The following URAD variants were observed in gnomAD, a reference collection of about 807,000 sequenced individuals.
URAD encodes putative 2-oxo-4-hydroxy-4-carboxy-5-ureidoimidazoline decarboxylase.
In URAD, 4 loss-of-function variants were observed where a neutral mutation model predicts 4.6. The ratio of observed to expected loss-of-function variants is 0.87; its 90% CI spans 0.43 to 1.98. The LOEUF (loss-of-function observed/expected upper bound fraction) is 1.98. Ranked by LOEUF, URAD falls within the 30% of genes most tolerant of loss-of-function variation. The probability of loss-of-function intolerance (pLI) is 0.03; values close to 1 mark genes in which losing one functional copy is unlikely to be tolerated. For synonymous variants in URAD, 144 were observed against 118.2 expected, an observed-to-expected ratio of 1.22 and a Z score of -1.41; for missense variants, 300 against 255.3, an observed-to-expected ratio of 1.18 and a Z score of -1.19.
intron 1 of URAD, among the ~76,000 whole-genome samples, chr13:27,984,400 G>A (rs775580007): frequency 6.6e-6 from 1 of 152,176 alleles, no homozygotes; most frequent in Non-Finnish European, 1.5e-5. Flanking sequence ...GGCTGGAGAA[G>A]GTACTTTGCC....
rs566926473 is a variant in URAD at position 27,978,121 on chromosome 13, G to T, written c.507C>A (p.Asp169Glu). ...SLRLADLLRA[D>E]PAKL ...CGCGCGGCAGCTACAGCTTGGCGGGGTCTGCGCGGAGGAGGTCGGCCAGGC... is the reference window on the plus strand; with the variant it reads ...CGCGCGGCAGCTACAGCTTGGCGGGTTCTGCGCGGAGGAGGTCGGCCAGGC... The change falls in exon 2 of 2, where the codon GAC (aspartate) becomes GAA (glutamate). Residue 169 changes from aspartate to glutamate, a missense_variant. Transcript: ENST00000332715. The T allele has an allele frequency of 3.7e-4, 570 of 1,521,588 alleles. 15 individuals are homozygous for T. The South Asian group carries it at 6.5e-3, about 17-fold the overall frequency. The allele number at this position is 1,521,588 out of a possible 1,614,324, so 94.3% of individuals were successfully genotyped here.
intron 1 of URAD, among the ~76,000 whole-genome samples, chr13:27,982,152 CG>C (rs1869893955): frequency 6.6e-6 from 1 of 152,094 alleles, no homozygotes; most frequent in African/African-American, 2.4e-5. Context: ...TATAAACGGC[CG>C]GGCACAGTGA....
intron 1 of URAD, among the ~76,000 whole-genome samples, chr13:27,982,919 G>A (rs532537902): frequency 4.6e-4 from 70 of 152,128 alleles, no homozygotes; most frequent in African/African-American, 1.7e-3. Context: ...GAATCCATTC[G>A]CATCTCTCCA....
At chr13:27,984,677 T>C (rs1869967271) in intron 1 of URAD, among the ~76,000 whole-genome samples, 2 of 152,186 alleles carry the variant, frequency 1.3e-5, no homozygotes, top group African/African-American at 4.8e-5. Flanking sequence ...AAAGCTAGAC[T>C]GTAATAAATC....
rs183290416 is a variant in URAD, at chr13:27,985,623, A to G, written c.175+2840T>C. ...TCAAGCATTTATCTTAATCAAATAC[A>G]TTAGTGGATAAATGAATGAAAACCC... On this transcript the variant is annotated intron_variant, in intron 1 of 1. Transcript: ENST00000332715. Among the ~76,000 whole-genome samples, 292 of 152,354 alleles carry G rather than the reference A, an allele frequency of 1.9e-3. 1 individual carries two copies. The highest frequency in any genetic ancestry group is 6.7e-3 in the African/African-American group (280 of 41,584).
chr13:27,984,414 T>C (rs1378555012), intron 1 of URAD, among the ~76,000 whole-genome samples: 1 of 152,200 alleles, frequency 6.6e-6, no homozygotes, highest in South Asian at 2.1e-4. Context: ...CTTTGCCCAA[T>C]AGCACTAGAG....
intron 1 of URAD, among the ~76,000 whole-genome samples, chr13:27,981,028 C>CTCT (rs149754765): frequency 2.6e-4 from 31 of 117,216 alleles, no homozygotes; most frequent in Non-Finnish European, 3.8e-4. Flanking sequence ...CTCTCTCTCT[C>CTCT]CTCTCTCTCT....
At chr13:27,983,832 C>T (rs1211803994) in intron 1 of URAD, among the ~76,000 whole-genome samples, 3 of 152,094 alleles carry the variant, frequency 2.0e-5, no homozygotes, top group Non-Finnish European at 4.4e-5. Flanking sequence ...ATTTTTTGAC[C>T]AACACAGCAC....
In URAD at chr13:27,978,357, C is replaced by T; in HGVS notation, c.271G>A (p.Ala91Thr). The stretch of plus-strand genomic sequence containing the variant: ...TCCGCGCCCAGGCTCCTCAGGCCTG[C>T]GCCGCTCTGTTCCCGCTGCGACTCG... ...TAESQREQSG[A>T]GLRSLGADER... Residue 91 changes from alanine (A) to threonine (T), a missense_variant, in exon 2 of 2, where the codon GCA becomes ACA. Coordinates refer to ENST00000332715, the MANE Select transcript of URAD (RefSeq NM_001105577.2). 1 of 1,408,374 alleles carries T rather than the reference C, an allele frequency of 7.1e-7. No homozygotes were observed. Among genetic ancestry groups the T allele is most frequent in the East Asian group, 3.1e-5 (1 of 32,586 alleles). 87.2% of individuals were successfully genotyped at this position (1,408,374 alleles called of 1,614,324 possible). A position where few individuals can be genotyped will look rare whatever the true frequency, so the allele number is the denominator to read the frequency against.
At chr13:27,979,631 A>G (rs1290923505) in intron 1 of URAD, among the ~76,000 whole-genome samples, 1 of 152,236 alleles carries the variant, frequency 6.6e-6, no homozygotes, top group Admixed American at 6.5e-5. Context: ...TCTGTATCTC[A>G]GTAAAGCGGT....
intron 1 of URAD, among the ~76,000 whole-genome samples, chr13:27,980,219 G>A (rs896146553): frequency 1.1e-4 from 16 of 152,160 alleles, no homozygotes; most frequent in Admixed American, 7.9e-4. Context: ...GTGAGCCACC[G>A]AGCCGGCCTA....
rs779802994 is a variant in URAD at position 27,978,222 on chromosome 13, C to T, written c.406G>A (p.Ala136Thr). 2.0e-6 allele frequency: 3 copies of T among 1,471,582 alleles called. No individual in the cohort carries two copies. The highest frequency in any genetic ancestry group is 1.5e-5 in the African/African-American group (1 of 68,284). The allele number at this position is 1,471,582 out of a possible 1,614,324, so 91.2% of individuals were successfully genotyped here. The part of the protein sequence containing the change: ...SDRTAVPREL[A>T]RRLLCPSAQE... ...GCGGACGGGCAGAGCAGCCGGCGCG[C>T]CAGCTCGCGCGGCACCGCCGTCCGG... Residue 136 changes from alanine (A) to threonine (T), a missense_variant, in exon 2 of 2, where the codon GCG becomes ACG. By Grantham distance (58) the Ala-to-Thr change is moderately conservative (BLOSUM62 0). Coordinates refer to ENST00000332715, the MANE Select transcript of URAD (RefSeq NM_001105577.2).
At chr13:27,979,853 C>G (rs551637015) in intron 1 of URAD, among the ~76,000 whole-genome samples, 1 of 152,286 alleles carries the variant, frequency 6.6e-6, no homozygotes, top group East Asian at 1.9e-4. Flanking sequence ...CTGAAAGACA[C>G]GGAGAACTGG....
At position 27,978,310 on chromosome 13, in the gene URAD, C is replaced by A; in HGVS notation, c.318G>T (p.Glu106Asp). The A allele has an allele frequency of 7.1e-7, 1 of 1,398,948 alleles. No individual in the cohort carries two copies. The highest frequency in any genetic ancestry group is 9.2e-7 in the Non-Finnish European group (1 of 1,084,502). 86.7% of individuals were successfully genotyped at this position (1,398,948 alleles called of 1,614,324 possible). Residue 106 changes from glutamate (E) to aspartate (D), a missense_variant, in exon 2 of 2, where the codon GAG (glutamate) becomes GAT (aspartate). Coordinates refer to ENST00000332715, the MANE Select transcript of URAD (RefSeq NM_001105577.2). ...AGCGCGCGCGGTACTGCGCGTTGAG[C>A]TCGGCCAGCCGCAGCCGCTCGTCCG... Reference protein sequence around the residue: ...LGADERLRLAELNAQYRARFG... With the variant: ...LGADERLRLADLNAQYRARFG...
At chr13:27,978,547 T>TGCCCCGCCCC (rs1311469272) in intron 1 of URAD, 95 bp from the exon 2 acceptor site, 3 of 960,080 alleles carry the variant, frequency 3.1e-6, no homozygotes, top group Non-Finnish European at 4.1e-6. Flanking sequence ...CCGGCCCCCC[T>TGCCCCGCCCC]GCCCCGCCCC....
At chr13:27,986,337 G>A (rs1472772176) in intron 1 of URAD, among the ~76,000 whole-genome samples, 1 of 152,140 alleles carries the variant, frequency 6.6e-6, no homozygotes, top group African/African-American at 2.4e-5. Flanking sequence ...CACTAGCCAG[G>A]AGACAGAGGT....
intron 1 of URAD, among the ~76,000 whole-genome samples, chr13:27,982,241 C>G (rs1869897632): frequency 6.6e-6 from 1 of 152,156 alleles, no homozygotes; most frequent in African/African-American, 2.4e-5. Context: ...CCAGCCTGAC[C>G]AACGTGGTGA....
chr13:27,985,550 G>A (rs943051799), intron 1 of URAD, among the ~76,000 whole-genome samples: 4 of 152,278 alleles, frequency 2.6e-5, no homozygotes, highest in Middle Eastern at 3.4e-3. Context: ...CTGCGAAGTA[G>A]ATCATTTTAT....
intron 1 of URAD, among the ~76,000 whole-genome samples, chr13:27,979,815 A>G (rs1229058814): frequency 6.6e-6 from 1 of 152,218 alleles, no homozygotes; most frequent in Admixed American, 6.5e-5. Context: ...TTGATAGTGC[A>G]CCATCTAACT....
Sources: gnomAD v4.1 joint callset for allele counts (sites outside exome capture counted in the v4.1 genomes callset) on GRCh38, gnomAD v4.1.1 for gene constraint, MANE v1.5 for transcripts, NCBI Gene and HGNC (gene_info 2026-07-23, HGNC 2026-07-21) for gene names.